The following OR1J2 variants were observed in gnomAD, a reference collection of about 807,000 sequenced individuals.
OR1J2 encodes the protein olfactory receptor family 1 subfamily J member 2, also known as olfactory receptor 1J2.
For synonymous variants in OR1J2, 142 were observed against 99.7 expected (o/e 1.42, Z -2.52); for missense variants, 304 against 246.1 (o/e 1.24, Z -1.57).
At chr9:122,505,326 T>A in the OR1J2 span, among the ~76,000 whole-genome samples, 92 of 152,324 alleles carry the variant, frequency 6.0e-4, 1 homozygote, top group East Asian at 0.016. Flanking sequence ...GGGCATCACA[T>A]AATAAGGGGA....
At chr9:122,511,885 G>A, downstream of OR1J2, 1 of 622,554 alleles carries the variant, frequency 1.6e-6, no homozygotes, top group Non-Finnish European at 2.9e-6. Context: ...GTAAATATTT[G>A]TTGGCCAGAA....
At chr9:122,540,422 T>C in the OR1J2 span, among the ~76,000 whole-genome samples, 1 of 152,338 alleles carries the variant, frequency 6.6e-6, no homozygotes, top group African/African-American at 2.4e-5. Context: ...GATCAGATAG[T>C]TGTAGATATG....
At chr9:122,578,278 G>C in the OR1J2 span, 1 of 151,916 alleles carries the variant, frequency 6.6e-6, no homozygotes, top group African/African-American at 2.4e-5. Context: ...GTGAAACCCC[G>C]TGTCTACTAA....
chr9:122,502,939 T>G, the OR1J2 span, among the ~76,000 whole-genome samples: 2 of 152,324 alleles, frequency 1.3e-5, no homozygotes, highest in South Asian at 4.1e-4. Flanking sequence ...GAGGACCTAA[T>G]ACCTTATAAT....
downstream of OR1J2, among the ~76,000 whole-genome samples, chr9:122,516,538 C>T (rs544565398): frequency 6.6e-6 from 1 of 152,074 alleles, no homozygotes; most frequent in Non-Finnish European, 1.5e-5. Flanking sequence ...TTCCTGACCT[C>T]GTGATCCGCC....
the OR1J2 span, among the ~76,000 whole-genome samples, chr9:122,522,630 ATTTG>A: frequency 4.6e-5 from 7 of 151,838 alleles, no homozygotes; most frequent in African/African-American, 7.3e-5. Flanking sequence ...ATACAATTTA[ATTTG>A]TTTGTAATTA....
the OR1J2 span, chr9:122,553,202 A>C: frequency 6.2e-7 from 1 of 1,613,056 alleles, no homozygotes; most frequent in Non-Finnish European, 8.5e-7. Context: ...GATCACACGA[A>C]CTACAAGGGA....
chr9:122,521,352 C>T, the OR1J2 span, among the ~76,000 whole-genome samples: 11 of 152,296 alleles, frequency 7.2e-5, no homozygotes, highest in Admixed American at 7.2e-4. Context: ...GACACAGCAA[C>T]ATATCTGTTC....
the OR1J2 span, among the ~76,000 whole-genome samples, chr9:122,466,482 GA>G: frequency 2.6e-5 from 4 of 152,168 alleles, no homozygotes; most frequent in Non-Finnish European, 5.9e-5. Flanking sequence ...ACATGGAATG[GA>G]AAACTATGTC....
At chr9:122,549,786 A>G in the OR1J2 span, among the ~76,000 whole-genome samples, 1 of 152,122 alleles carries the variant, frequency 6.6e-6, no homozygotes, top group Non-Finnish European at 1.5e-5. Flanking sequence ...ATTTGAAGTC[A>G]GGTGATGTAA....
At chr9:122,450,565 A>G in the OR1J2 span, among the ~76,000 whole-genome samples, 8,237 of 152,288 alleles carry the variant, frequency 0.054, 341 homozygotes, top group Middle Eastern at 0.14. Flanking sequence ...TTATCATATA[A>G]TCACCTCAAA....
At chr9:122,521,792 A>G in the OR1J2 span, among the ~76,000 whole-genome samples, 1 of 152,188 alleles carries the variant, frequency 6.6e-6, no homozygotes, top group African/African-American at 2.4e-5. Context: ...CCGGCACCCC[A>G]GTTCTGTTGT....
At chr9:122,555,206 G>T in the OR1J2 span, among the ~76,000 whole-genome samples, 97,730 of 152,052 alleles carry the variant, frequency 0.64, 31,868 homozygotes, top group East Asian at 0.98. Context: ...AAGTTCATCC[G>T]GGGCCAAATT....
chr9:122,521,884 G>A, the OR1J2 span, among the ~76,000 whole-genome samples: 13 of 152,280 alleles, frequency 8.5e-5, no homozygotes, highest in African/African-American at 2.6e-4. Flanking sequence ...TTAGCCACAG[G>A]CTGGTGACAC....
At chr9:122,492,685 T>C in the OR1J2 span, among the ~76,000 whole-genome samples, 1 of 152,134 alleles carries the variant, frequency 6.6e-6, no homozygotes, top group Admixed American at 6.6e-5. Context: ...CATTCCTCTT[T>C]ACTGATTTTA....
downstream of OR1J2, among the ~76,000 whole-genome samples, chr9:122,515,881 C>T (rs577548657): frequency 1.3e-5 from 2 of 152,122 alleles, no homozygotes; most frequent in African/African-American, 2.4e-5. Context: ...AACTTTGAGC[C>T]CAGGCAACAT....
At chr9:122,517,363 G>A in the OR1J2 span, among the ~76,000 whole-genome samples, 1 of 152,076 alleles carries the variant, frequency 6.6e-6, no homozygotes, top group African/African-American at 2.4e-5. Context: ...TTTCTCTATG[G>A]GTCCATTCGG....
chr9:122,504,443 G>C, the OR1J2 span, among the ~76,000 whole-genome samples: 1 of 152,160 alleles, frequency 6.6e-6, no homozygotes, highest in Non-Finnish European at 1.5e-5. Flanking sequence ...CTTAAAGCTG[G>C]AAGTTTATCT....
the OR1J2 span, among the ~76,000 whole-genome samples, chr9:122,498,171 C>T: frequency 6.6e-6 from 1 of 151,766 alleles, no homozygotes; most frequent in Non-Finnish European, 1.5e-5. Flanking sequence ...TGATGTATAC[C>T]TCTCTAGCAA....
Sources: gnomAD v4.1 joint callset for allele counts (sites outside exome capture counted in the v4.1 genomes callset) on GRCh38, gnomAD v4.1.1 for gene constraint, MANE v1.5 for transcripts, NCBI Gene and HGNC (gene_info 2026-07-23, HGNC 2026-07-21) for gene names.